The following PCDHA10 variants were observed in gnomAD, a reference collection of about 807,000 sequenced individuals.
The protein encoded by PCDHA10 is protocadherin alpha 10, also known as protocadherin alpha-10.
A neutral mutation model predicts 61.2 loss-of-function variants in PCDHA10; 45 were observed. The ratio of observed to expected loss-of-function variants is 0.74; its 90% CI spans 0.58 to 0.94. The LOEUF is 0.94. PCDHA10 is among the 40% of genes least tolerant of loss of function. The pLI is 0.00. For missense variants in PCDHA10, 1,278 were observed against 1,236.2 expected, an observed-to-expected ratio of 1.03 and a Z score of -0.51; for synonymous variants, 602 against 548.8, an observed-to-expected ratio of 1.10 and a Z score of -1.35.
At chr5:140,978,570 G>A (rs151127662) in intron 1 of PCDHA10, among the ~76,000 whole-genome samples, 216 of 152,314 alleles carry the variant, frequency 1.4e-3, no homozygotes, top group African/African-American at 4.9e-3. Flanking sequence ...CTGTAATACT[G>A]AATTGGGAAT....
chr5:140,953,110 G>A (rs1384996852), intron 1 of PCDHA10, among the ~76,000 whole-genome samples: 2 of 152,074 alleles, frequency 1.3e-5, no homozygotes, highest in Non-Finnish European at 2.9e-5. Flanking sequence ...ATTTGGGCAG[G>A]GACACAGATC....
At chr5:141,009,391 C>T (rs1006846075) in intron 3 of PCDHA10, among the ~76,000 whole-genome samples, 1 of 152,086 alleles carries the variant, frequency 6.6e-6, no homozygotes, top group Non-Finnish European at 1.5e-5. Context: ...CACAGGAGGT[C>T]GAGGCTGCAG....
At chr5:140,992,807 C>G (rs781970284) in intron 3 of PCDHA10, among the ~76,000 whole-genome samples, 6 of 152,108 alleles carry the variant, frequency 3.9e-5, no homozygotes, top group Non-Finnish European at 4.4e-5. Flanking sequence ...CCATATGTAT[C>G]TAAGGATGTG....
intron 1 of PCDHA10, chr5:140,869,097 G>T (rs1344358126): frequency 1.3e-6 from 2 of 1,595,318 alleles, no homozygotes; most frequent in Non-Finnish European, 1.7e-6. Flanking sequence ...AGCCAATTTC[G>T]TATGCGATGT....
At chr5:140,982,022 G>T (rs2096962811) in intron 2 of PCDHA10, among the ~76,000 whole-genome samples, 1 of 152,168 alleles carries the variant, frequency 6.6e-6, no homozygotes, top group African/African-American at 2.4e-5. Context: ...AGCCAAATTG[G>T]AACAATACTC....
At chr5:140,903,616 T>C (rs1053634742) in intron 1 of PCDHA10, among the ~76,000 whole-genome samples, 72 of 152,338 alleles carry the variant, frequency 4.7e-4, no homozygotes, top group African/African-American at 1.7e-3. Context: ...CACATGAATG[T>C]GCATGCATAT....
chr5:140,982,264 TG>T, intron 2 of PCDHA10: 1 of 865,882 alleles, frequency 1.2e-6, no homozygotes, highest in Non-Finnish European at 1.7e-6. Flanking sequence ...TGTGTGTTCC[TG>T]GAATAGTATA....
At chr5:140,879,025 A>G (rs557183400) in intron 1 of PCDHA10, among the ~76,000 whole-genome samples, 36 of 152,342 alleles carry the variant, frequency 2.4e-4, no homozygotes, top group African/African-American at 8.7e-4. Flanking sequence ...TGTTTTATTG[A>G]AGAGTGTCTT....
At chr5:140,927,409 A>T (rs1554204480) in intron 1 of PCDHA10, 4 of 1,614,120 alleles carry the variant, frequency 2.5e-6, no homozygotes, top group Non-Finnish European at 3.4e-6. Context: ...TCGCCTGGAC[A>T]TGGGATCGCG....
intron 1 of PCDHA10, chr5:140,876,174 T>A: frequency 6.2e-7 from 1 of 1,613,934 alleles, no homozygotes; most frequent in Non-Finnish European, 8.5e-7. Context: ...CCGTCCTGGA[T>A]GTGAATGACA....
intron 3 of PCDHA10, among the ~76,000 whole-genome samples, chr5:140,993,203 A>AT (rs200893072): frequency 0.015 from 2,264 of 152,198 alleles, 62 homozygotes; most frequent in African/African-American, 0.051. Flanking sequence ...ACTAAAGCTA[A>AT]TTTTTTTAGC....
intron 1 of PCDHA10, chr5:140,968,491 T>C: frequency 6.2e-7 from 1 of 1,614,130 alleles, no homozygotes; most frequent in Non-Finnish European, 8.5e-7. Flanking sequence ...TGAATGACCA[T>C]GCCCCTCACA....
intron 1 of PCDHA10, among the ~76,000 whole-genome samples, chr5:140,963,054 T>G (rs1554226381): frequency 6.6e-6 from 1 of 152,174 alleles, no homozygotes; most frequent in Non-Finnish European, 1.5e-5. Flanking sequence ...TATAAGGGTT[T>G]CTACATTGTG....
At chr5:140,875,235 A>G in intron 1 of PCDHA10, 1 of 869,906 alleles carries the variant, frequency 1.1e-6, no homozygotes, top group South Asian at 2.5e-5. Context: ...TCTTTCTTGT[A>G]CTTACATAAT....
intron 3 of PCDHA10, among the ~76,000 whole-genome samples, chr5:141,007,362 G>A (rs1554261189): frequency 6.8e-6 from 1 of 146,590 alleles, no homozygotes; most frequent in Non-Finnish European, 1.5e-5. Context: ...ACCAGCCTGG[G>A]CAACATGATG....
At chr5:140,968,167 A>C (rs782252124) in intron 1 of PCDHA10, 1 of 1,614,076 alleles carries the variant, frequency 6.2e-7, no homozygotes, top group Admixed American at 1.7e-5. Flanking sequence ...ACAATCCACC[A>C]AGCTTCCTGG....
intron 1 of PCDHA10, among the ~76,000 whole-genome samples, chr5:140,902,200 TTTC>T (rs1318376699): frequency 6.9e-6 from 1 of 144,634 alleles, no homozygotes; most frequent in African/African-American, 2.7e-5. Flanking sequence ...TCTCTCTCTC[TTTC>T]TTTTTTTTTT....
intron 1 of PCDHA10, among the ~76,000 whole-genome samples, chr5:140,942,047 T>C (rs2093223138): frequency 6.6e-6 from 1 of 152,228 alleles, no homozygotes; most frequent in African/African-American, 2.4e-5. Context: ...TGGTCTATTA[T>C]GAAATGTTTG....
chr5:141,000,462 T>C (rs1554257607), intron 3 of PCDHA10, among the ~76,000 whole-genome samples: 1 of 139,384 alleles, frequency 7.2e-6, no homozygotes, highest in Non-Finnish European at 1.5e-5. Flanking sequence ...AGTTTTGCTC[T>C]TGTTGCCCAA....
Sources: allele counts gnomAD v4.1 joint callset (sites outside exome capture counted in the v4.1 genomes callset), GRCh38; gene constraint gnomAD v4.1.1; transcripts MANE v1.5; gene names NCBI Gene and HGNC (gene_info 2026-07-23, HGNC 2026-07-21).